The following APOO variants were observed in gnomAD, a reference collection of about 807,000 sequenced individuals.
APOO encodes the protein apolipoprotein O.
A neutral mutation model predicts 23.1 loss-of-function variants in APOO; 11 were observed. The ratio of observed to expected loss-of-function variants is 0.48; its 90% CI spans 0.30 to 0.79. APOO has a LOEUF of 0.79. Among genes scored for constraint, APOO ranks in the 30% least tolerant of loss-of-function variants. APOO has a pLI of 0.07. For synonymous variants in APOO, 59 were observed against 54.8 expected, an observed-to-expected ratio of 1.08 and a Z score of -0.34; for missense variants, 160 against 142.7, an observed-to-expected ratio of 1.12 and a Z score of -0.62.
At chrX:23,867,576 A>G (rs1925401609) in intron 5 of APOO, among the ~76,000 whole-genome samples, 1 of 110,714 alleles carries the variant, frequency 9.0e-6, no homozygotes, top group African/African-American at 3.3e-5. Flanking sequence ...GGAGTCTCGC[A>G]CTGTCGCCCA....
intron 1 of APOO, chrX:23,884,070 C>G (rs1333800064): frequency 9.0e-6 from 1 of 110,855 alleles, no homozygotes; most frequent in Non-Finnish European, 1.9e-5. Flanking sequence ...TGGGAGGGAG[C>G]AGAGTGACAG....
intron 4 of APOO, among the ~76,000 whole-genome samples, chrX:23,869,082 T>C (rs1174980379): frequency 9.1e-6 from 1 of 109,489 alleles, no homozygotes; most frequent in Non-Finnish European, 1.9e-5. Flanking sequence ...CTAACTTTTG[T>C]ATTTTTAGTA....
In APOO at chrX:23,861,796, C is replaced by CT. The variant is rs10706916; in HGVS notation, c.389-3064dup. ...GGGCCCCATGTACAGACAGGGAGTT[C>CT]TTTTTTTTTTTTTTTTTTTTTTCCC... On this transcript the variant is annotated intron_variant, in intron 5 of 8. Transcript: ENST00000379226. 2.9e-3 allele frequency among the ~76,000 whole-genome samples: 194 copies of CT among 67,439 alleles called. 1 individual carries two copies. The highest frequency in any genetic ancestry group is 9.3e-3 in the Middle Eastern group (1 of 108). The allele number at this position is 67,439 out of a possible 115,157, so 58.6% of individuals were successfully genotyped here.
chrX:23,840,445 A>G, intron 7 of APOO, 68 bp from the exon 8 acceptor site: 1 of 983,323 alleles, frequency 1.0e-6, no homozygotes, highest in South Asian at 2.4e-5. Context: ...TAGTGTCCTG[A>G]GTATTTGGCT....
chrX:23,860,711 G>A (rs1046026573), intron 5 of APOO, among the ~76,000 whole-genome samples: 3 of 107,044 alleles, frequency 2.8e-5, no homozygotes, highest in African/African-American at 6.8e-5. Context: ...TTGTAGACAC[G>A]GGGTTTCCTC....
At chrX:23,855,753 T>G (rs901041050) in intron 7 of APOO, among the ~76,000 whole-genome samples, 3 of 111,871 alleles carry the variant, frequency 2.7e-5, no homozygotes, top group Non-Finnish European at 3.8e-5. Context: ...ACACAACTTC[T>G]TCCCTCTGTT....
intron 1 of APOO, among the ~76,000 whole-genome samples, chrX:23,899,320 T>A (rs1208855952): frequency 8.9e-6 from 1 of 112,590 alleles, no homozygotes; most frequent in Non-Finnish European, 1.9e-5. Context: ...GCTTTCAGCA[T>A]ACTGAAAACT....
intron 7 of APOO, among the ~76,000 whole-genome samples, chrX:23,842,942 AG>A (rs1481189395): frequency 1.8e-5 from 2 of 112,079 alleles, no homozygotes; most frequent in African/African-American, 6.5e-5. Context: ...CAGGAGGCGG[AG>A]GTTGCAGTGA....
intron 3 of APOO, among the ~76,000 whole-genome samples, chrX:23,876,160 A>C (rs944066096): frequency 9.0e-6 from 1 of 110,891 alleles, no homozygotes; most frequent in Non-Finnish European, 1.9e-5. Context: ...GCTACTCGGG[A>C]GGCTGAGGCA....
chrX:23,869,359 A>G (rs1871976825), intron 4 of APOO, among the ~76,000 whole-genome samples: 1 of 111,231 alleles, frequency 9.0e-6, no homozygotes, highest in Non-Finnish European at 1.9e-5. Context: ...TGCTATTCAA[A>G]CTCTTGTTAT....
intron 2 of APOO, among the ~76,000 whole-genome samples, chrX:23,880,624 G>A (rs1004544171): frequency 4.5e-5 from 5 of 110,186 alleles, no homozygotes; most frequent in Non-Finnish European, 9.5e-5. Flanking sequence ...GCTTGAACCA[G>A]GAGGAGGAGG....
At chrX:23,879,575 T>C (rs1242717685) in intron 2 of APOO, among the ~76,000 whole-genome samples, 1 of 112,777 alleles carries the variant, frequency 8.9e-6, no homozygotes, top group African/African-American at 3.2e-5. Context: ...TGAGGTGTCC[T>C]ACTTTCTCCC....
At chrX:23,881,322 G>A (rs1206605867) in intron 1 of APOO, among the ~76,000 whole-genome samples, 1 of 108,996 alleles carries the variant, frequency 9.2e-6, no homozygotes, top group East Asian at 2.9e-4. Context: ...TAATTCGCCC[G>A]CCTCGGCCTC....
At chrX:23,897,909 C>T (rs958535126) in intron 1 of APOO, among the ~76,000 whole-genome samples, 2 of 105,178 alleles carry the variant, frequency 1.9e-5, no homozygotes, top group Non-Finnish European at 3.9e-5. Context: ...GCAGGAGGAT[C>T]GCTTGAGCCT....
At chrX:23,851,199 CTTT>C (rs35918681) in intron 7 of APOO, among the ~76,000 whole-genome samples, 1 of 101,290 alleles carries the variant, frequency 9.9e-6, no homozygotes. Flanking sequence ...CGGTAATTTC[CTTT>C]TTTTTTTTTG....
chrX:23,861,580 AAG>A (rs1555958512), intron 5 of APOO, among the ~76,000 whole-genome samples: 3 of 108,056 alleles, frequency 2.8e-5, no homozygotes, highest in Non-Finnish European at 5.7e-5. Context: ...AAAAAAAAAA[AAG>A]AGTTAAAACA....
intron 1 of APOO, among the ~76,000 whole-genome samples, chrX:23,902,327 C>T (rs1168796723): frequency 1.8e-5 from 2 of 111,281 alleles, no homozygotes; most frequent in African/African-American, 3.3e-5. Flanking sequence ...TGGACGCCAA[C>T]TAAAAAGTCA....
intron 1 of APOO, among the ~76,000 whole-genome samples, chrX:23,890,032 G>A (rs1300957494): frequency 9.0e-6 from 1 of 111,121 alleles, no homozygotes; most frequent in African/African-American, 3.3e-5. Context: ...AATCTAAGAG[G>A]GGCCCAAGAA....
Position 23,840,335 on chromosome X carries a change from G to A in APOO, c.*7C>T, listed in dbSNP as rs8680. Reference sequence around the variant, plus strand: ...TACCTGATTAAGATGGCAGAGCATGGAGTTTTCTACTTAGTTCCAGGTGAA... The same window carrying A: ...TACCTGATTAAGATGGCAGAGCATGAAGTTTTCTACTTAGTTCCAGGTGAA... On this transcript the variant is annotated 3_prime_UTR_variant, in exon 8 of 9. Coordinates refer to ENST00000379226, the MANE Select transcript of APOO (RefSeq NM_024122.5). The A allele has an allele frequency of 0.35, 411,905 of 1,186,555 alleles. 57,974 individuals carry two copies. Among genetic ancestry groups the A allele is most frequent in the African/African-American group, 0.84 (47,088 of 55,807 alleles).
Sources: gnomAD v4.1 joint callset for allele counts (sites outside exome capture counted in the v4.1 genomes callset) on GRCh38, gnomAD v4.1.1 for gene constraint, MANE v1.5 for transcripts, NCBI Gene and HGNC (gene_info 2026-07-23, HGNC 2026-07-21) for gene names.